PCDHGC5: variants seen among roughly 807,000 people sequenced by gnomAD.
The protein encoded by PCDHGC5 is protocadherin gamma subfamily C, 5.
In PCDHGC5, 25 loss-of-function variants were observed where a neutral mutation model predicts 59.0. The ratio of observed to expected loss-of-function variants is 0.42; its 90% confidence interval spans 0.31 to 0.59. The LOEUF is 0.59. Ranked by LOEUF, PCDHGC5 falls within the 20% of genes least tolerant of loss-of-function variation. PCDHGC5 has a pLI of 0.13. For missense variants in PCDHGC5, 1,067 were observed against 1,206.4 expected, an observed-to-expected ratio of 0.88 and a Z score of 1.71; for synonymous variants, 434 against 505.5, an observed-to-expected ratio of 0.86 and a Z score of 1.90.
chr5:141,503,401 C>A (rs987421198), intron 2 of PCDHGC5, among the ~76,000 whole-genome samples: 15 of 151,848 alleles, frequency 9.9e-5, no homozygotes, highest in Non-Finnish European at 1.9e-4. Context: ...TCGAAACCAA[C>A]CTGGCCAATA....
At position 141,490,857 on chromosome 5, in the gene PCDHGC5, C is replaced by G; in HGVS notation, c.1617C>G (p.Ser539=). 6.2e-7 allele frequency: 1 copy of G among 1,613,832 alleles called. No homozygotes were observed. Among genetic ancestry groups the G allele is most frequent in the Admixed American group, 1.7e-5 (1 of 60,012 alleles). Residue 539 remains serine, a synonymous_variant, in exon 1 of 4, where the codon TCC becomes TCG. Coordinates refer to ENST00000252087, the MANE Select transcript of PCDHGC5 (RefSeq NM_018929.3). The surrounding 1 kb of genome is among the most constrained non-coding windows in gnomAD (Gnocchi z 5.4). ...MLQIVVGVRD[S]GSPPLHANTS... ...AGATTGTGGTGGGGGTTCGAGACTCCGGCTCTCCCCCATTGCATGCCAACA... is the reference window on the plus strand; with the variant it reads ...AGATTGTGGTGGGGGTTCGAGACTCGGGCTCTCCCCCATTGCATGCCAACA...
At chr5:141,508,903 G>A (rs1410291297) in intron 3 of PCDHGC5, among the ~76,000 whole-genome samples, 1 of 152,086 alleles carries the variant, frequency 6.6e-6, no homozygotes, top group East Asian at 1.9e-4. Flanking sequence ...GGGCGGGGCG[G>A]TGGCGGATCT....
At chr5:141,502,400 C>T (rs964923206) in intron 2 of PCDHGC5, among the ~76,000 whole-genome samples, 2 of 151,748 alleles carry the variant, frequency 1.3e-5, no homozygotes, top group African/African-American at 4.8e-5. Flanking sequence ...AAAATGTCCC[C>T]GAACCTGGAT....
At chr5:141,498,796 G>C (rs1160540093) in intron 2 of PCDHGC5, among the ~76,000 whole-genome samples, 1 of 152,032 alleles carries the variant, frequency 6.6e-6, no homozygotes, top group African/African-American at 2.4e-5. Context: ...AGCCAGGTGT[G>C]GTGGTGCACA....
At chr5:141,494,922 C>T (rs1401836511) in intron 2 of PCDHGC5, 57 bp downstream of exon 2, 23 of 1,613,670 alleles carry the variant, frequency 1.4e-5, no homozygotes, top group Non-Finnish European at 1.9e-5. Flanking sequence ...TCAGGGATGA[C>T]GTGGGAGGAG....
chr5:141,491,938 C>A lies in PCDHGC5; in HGVS notation c.2460+238C>A, dbSNP rs1207647899. Reference sequence around the variant, plus strand: ...TGTGGGCGAGGGGAGGTGGGACCGACCCCCACCCCTACACTCAAAAAAGGC... The same window carrying A: ...TGTGGGCGAGGGGAGGTGGGACCGAACCCCACCCCTACACTCAAAAAAGGC... On this transcript the variant is annotated intron_variant, in intron 1 of 3. Transcript: ENST00000252087. This position sits in a 1 kb window ranked among gnomAD's most constrained non-coding sequence, Gnocchi z 6.9. 1.7e-6 allele frequency: 2 copies of A among 1,199,072 alleles called. No homozygotes were observed. The highest frequency in any genetic ancestry group is 3.1e-5 in the Admixed American group (1 of 32,246). The allele number at this position is 1,199,072 out of a possible 1,614,324, so 74.3% of individuals were successfully genotyped here. A position where few individuals can be genotyped will look rare whatever the true frequency, so the allele number is the denominator to read the frequency against.
intron 2 of PCDHGC5, among the ~76,000 whole-genome samples, chr5:141,497,859 G>A (rs188372194): frequency 2.0e-4 from 31 of 152,134 alleles, no homozygotes; most frequent in Middle Eastern, 6.8e-3. Context: ...TTGATTCAGC[G>A]GCTCCAAAGT....
intron 3 of PCDHGC5, among the ~76,000 whole-genome samples, chr5:141,509,022 C>G (rs2099873807): frequency 6.6e-6 from 1 of 152,206 alleles, no homozygotes; most frequent in East Asian, 1.9e-4. Context: ...CAGCTGCTCC[C>G]TCCCACTCAA....
intron 2 of PCDHGC5, among the ~76,000 whole-genome samples, chr5:141,498,009 C>T (rs1160103624): frequency 6.6e-6 from 1 of 152,146 alleles, no homozygotes; most frequent in African/African-American, 2.4e-5. Context: ...TTACAGTGCA[C>T]TGAAGGAGAC....
At chr5:141,497,904 A>G (rs939422338) in intron 2 of PCDHGC5, among the ~76,000 whole-genome samples, 2 of 152,136 alleles carry the variant, frequency 1.3e-5, no homozygotes, top group African/African-American at 2.4e-5. Context: ...AGTAACTTCA[A>G]CTTCTCTCCT....
chr5:141,491,409 G>C lies in PCDHGC5; in HGVS notation c.2169G>C (p.Gly723=), dbSNP rs2099711927. 6.2e-7 allele frequency: 1 copy of C among 1,614,000 alleles called. No homozygotes were observed. Among genetic ancestry groups the C allele is most frequent in the Non-Finnish European group, 8.5e-7 (1 of 1,180,022 alleles). The stretch of plus-strand genomic sequence containing the variant: ...AGTGCCTTCAGGGAAACGCAGACGG[G>C]GACGGGGGTGGAGGGCAGTGCTGCA... ...SAKCLQGNAD[G]DGGGGQCCRR... Residue 723 remains glycine (G), a synonymous_variant, in exon 1 of 4, where the codon GGG becomes GGC. Coordinates refer to ENST00000252087, the MANE Select transcript of PCDHGC5 (RefSeq NM_018929.3). This position sits in a 1 kb window ranked among gnomAD's most constrained non-coding sequence, Gnocchi z 6.9.
In PCDHGC5 at chr5:141,510,353, C is replaced by G. The variant is rs74759939; in HGVS notation, c.2609-594C>G. On this transcript the variant is annotated intron_variant, in intron 3 of 3. Transcript: ENST00000252087. ...CACCCCCACCCCACACACTTACTAA[C>G]GGAACTACCGAATCTCTACTCGTGC... is the stretch of plus-strand genomic sequence containing the variant. Among the ~76,000 whole-genome samples the G allele has an allele frequency of 1.9e-4, 28 of 146,588 alleles. No homozygotes were observed. The East Asian group carries it at 5.6e-3, about 29-fold the overall frequency.
intron 2 of PCDHGC5, among the ~76,000 whole-genome samples, chr5:141,504,572 A>G (rs184273457): frequency 6.7e-6 from 1 of 148,962 alleles, no homozygotes; most frequent in Admixed American, 6.9e-5. Flanking sequence ...TCTAGGGAAC[A>G]CCATCTGCCC....
chr5:141,491,662 A>C lies in PCDHGC5; in HGVS notation c.2422A>C (p.Ile808Leu). 2 of 1,613,770 alleles carry C rather than the reference A, an allele frequency of 1.2e-6. No homozygotes were observed. The highest frequency in any genetic ancestry group is 1.7e-6 in the Non-Finnish European group (2 of 1,180,018). ...AGCTCTGGCGCTGGAGCCTGACGCC[A>C]TCCGGTCCCGCTCTAATACGCTGCG... The part of the protein sequence containing the change: ...PTALALEPDA[I>L]RSRSNTLRER... Residue 808 changes from isoleucine to leucine, a missense_variant, in exon 1 of 4, where the codon ATC becomes CTC. Coordinates refer to ENST00000252087, the MANE Select transcript of PCDHGC5 (RefSeq NM_018929.3). This position sits in a 1 kb window ranked among gnomAD's most constrained non-coding sequence, Gnocchi z 6.9.
At position 141,493,188 on chromosome 5, in the gene PCDHGC5, C is replaced by T. The variant is rs1292810486; in HGVS notation, c.2460+1488C>T. Among the ~76,000 whole-genome samples the T allele has an allele frequency of 2.6e-5, 4 of 152,216 alleles. No individual in the cohort carries two copies. Among genetic ancestry groups the T allele is most frequent in the Non-Finnish European group, 4.4e-5 (3 of 68,046 alleles). ...ATTGAGAGAAACTTACTATATAACT[C>T]CTTTGAGAACCTCATCTCATTTGCT... On this transcript the variant is annotated intron_variant, in intron 1 of 3. Coordinates refer to ENST00000252087, the MANE Select transcript of PCDHGC5 (RefSeq NM_018929.3). The surrounding 1 kb of genome is among the most constrained non-coding windows in gnomAD (Gnocchi z 4.3).
At chr5:141,507,786 GTCTAAGCC>G (rs1279265471) in intron 3 of PCDHGC5, among the ~76,000 whole-genome samples, 1 of 152,174 alleles carries the variant, frequency 6.6e-6, no homozygotes, top group Admixed American at 6.5e-5. Flanking sequence ...CCTGACCCTC[GTCTAAGCC>G]TGCGCCCTGG....
At chr5:141,492,161 TC>T (rs1269738341) in intron 1 of PCDHGC5, among the ~76,000 whole-genome samples, 2 of 152,142 alleles carry the variant, frequency 1.3e-5, no homozygotes, top group Admixed American at 6.5e-5. Context: ...ACCCTCCCTA[TC>T]CCCGCATCAC....
At chr5:141,492,637 C>T (rs2099742781) in intron 1 of PCDHGC5, among the ~76,000 whole-genome samples, 1 of 152,260 alleles carries the variant, frequency 6.6e-6, no homozygotes, top group South Asian at 2.1e-4. Context: ...CTCTACGATC[C>T]TTGGGCCAGA....
At chr5:141,508,193 C>T (rs1426786164) in intron 3 of PCDHGC5, 1 of 152,326 alleles carries the variant, frequency 6.6e-6, no homozygotes, top group Non-Finnish European at 1.5e-5. Flanking sequence ...ATCACCCCCA[C>T]CTCGTCCAGG....
Sources: gnomAD v4.1 joint callset for allele counts (sites outside exome capture counted in the v4.1 genomes callset) on GRCh38, gnomAD v4.1.1 for gene constraint, Gnocchi (gnomAD v3.1) non-coding constraint, MANE v1.5 for transcripts, NCBI Gene and HGNC (gene_info 2026-07-23, HGNC 2026-07-21) for gene names.